DERA: variants seen among roughly 807,000 people sequenced by gnomAD.
DERA encodes the protein deoxyribose-phosphate aldolase.
A neutral mutation model predicts 41.1 loss-of-function variants in DERA; 15 were observed. That is an observed-to-expected ratio of 0.37 (90% CI 0.24 to 0.56). The LOEUF is 0.56. Among genes scored for constraint, DERA ranks in the 20% least tolerant of loss-of-function variants. DERA has a pLI of 0.81. For missense variants in DERA, 396 were observed against 403.4 expected (o/e 0.98, Z 0.16); for synonymous variants, 139 against 137.4 (o/e 1.01, Z -0.08).
intron 6 of DERA, among the ~76,000 whole-genome samples, chr12:15,997,187 A>G (rs940241889): frequency 6.6e-6 from 1 of 152,178 alleles, no homozygotes; most frequent in East Asian, 1.9e-4. Context: ...TCTCTATCAT[A>G]AACTAAATGA....
chr12:16,008,519 C>T lies in DERA; in HGVS notation c.638-24023C>T, dbSNP rs193219820. 3.9e-5 allele frequency among the ~76,000 whole-genome samples: 6 copies of T among 152,302 alleles called. No individual in the cohort carries two copies. The highest frequency in any genetic ancestry group is 8.8e-5 in the Non-Finnish European group (6 of 68,028). ...CTGGTTGCAGAGTCTGAGTGATCCC[C>T]CCAGTAAACTAATGTAGGATATATT... On this transcript the variant is annotated intron_variant, in intron 6 of 8. Coordinates refer to ENST00000428559, the MANE Select transcript of DERA (RefSeq NM_015954.4). The surrounding 1 kb of genome is among the most constrained non-coding windows in gnomAD (Gnocchi z 4.8).
intron 1 of DERA, among the ~76,000 whole-genome samples, chr12:15,949,611 G>A (rs976723381): frequency 2.0e-5 from 3 of 152,192 alleles, no homozygotes; most frequent in Non-Finnish European, 4.4e-5. Flanking sequence ...GCTTCCCTTG[G>A]CTAGGGAGGG....
Position 15,995,682 on chromosome 12 carries a change from G to A in DERA, c.637+13246G>A, listed in dbSNP as rs528135629. Among the ~76,000 whole-genome samples the A allele has an allele frequency of 2.0e-4, 31 of 152,260 alleles. 1 individual carries two copies. In the South Asian group the frequency reaches 6.2e-3, roughly 31 times the overall value. On this transcript the variant is annotated intron_variant, in intron 6 of 8. Coordinates refer to ENST00000428559, the MANE Select transcript of DERA (RefSeq NM_015954.4). The surrounding 1 kb of genome is among the most constrained non-coding windows in gnomAD (Gnocchi z 5.1). ...TAGAGTAGGGAGGATGGAGGGGTAT[G>A]GGAGAATGGAAGTGGTATCAGAATA...
Position 15,981,077 on chromosome 12 carries a change from C to T in DERA, c.509-1231C>T, listed in dbSNP as rs1057146802. Among the ~76,000 whole-genome samples the T allele has an allele frequency of 3.3e-5, 5 of 152,008 alleles. No individual in the cohort carries two copies. The highest frequency in any genetic ancestry group is 6.6e-5 in the Admixed American group (1 of 15,260). The stretch of plus-strand genomic sequence containing the variant: ...AAACTACTTCCTATGGGCCGGGCAC[C>T]GTGGCTCACACCTGTAATCCCAGCA... On this transcript the variant is annotated intron_variant, in intron 5 of 8. Transcript: ENST00000428559. This position sits in a 1 kb window ranked among gnomAD's most constrained non-coding sequence, Gnocchi z 6.1.
Position 15,936,952 on chromosome 12 carries a change from T to TGTCCC in DERA, c.32-19980_32-19979insCGTCC, listed in dbSNP as rs1258500039. On this transcript the variant is annotated intron_variant, in intron 1 of 8. Coordinates refer to ENST00000428559, the MANE Select transcript of DERA (RefSeq NM_015954.4). This position sits in a 1 kb window ranked among gnomAD's most constrained non-coding sequence, Gnocchi z 4.6. ...TGTCCTGTCTTGTCCTGTCCCGTCC[T>TGTCCC]GTCCTGCCCTGCCCTGCCCTGTCTT... Among the ~76,000 whole-genome samples the TGTCCC allele has an allele frequency of 1.8e-3, 270 of 149,208 alleles. 4 individuals are homozygous for TGTCCC. The highest frequency in any genetic ancestry group is 6.4e-3 in the African/African-American group (255 of 40,004).
At chr12:15,969,249 A>G (rs987344609) in intron 5 of DERA, among the ~76,000 whole-genome samples, 2 of 152,232 alleles carry the variant, frequency 1.3e-5, no homozygotes, top group African/African-American at 2.4e-5. Flanking sequence ...TGCTCTGTAA[A>G]TATACAGAGG....
In DERA at chr12:16,001,236, C is replaced by A. The variant is rs1169512027; in HGVS notation, c.637+18800C>A. Among the ~76,000 whole-genome samples the A allele has an allele frequency of 1.3e-5, 2 of 152,260 alleles. No individual in the cohort carries two copies. Among genetic ancestry groups the A allele is most frequent in the East Asian group, 3.9e-4 (2 of 5,182 alleles). On this transcript the variant is annotated intron_variant, in intron 6 of 8. Transcript: ENST00000428559. The surrounding 1 kb of genome is among the most constrained non-coding windows in gnomAD (Gnocchi z 4.1). Reference sequence around the variant, plus strand: ...CACCTATGTAACAAACCTGCACATTCTGCACATGTTTATCCTATTTTTTTG... The same window carrying A: ...CACCTATGTAACAAACCTGCACATTATGCACATGTTTATCCTATTTTTTTG...
intron 6 of DERA, among the ~76,000 whole-genome samples, chr12:16,007,183 T>G (rs1452332365): frequency 1.3e-5 from 2 of 148,376 alleles, no homozygotes; most frequent in African/African-American, 2.6e-5. Flanking sequence ...TTGTTTTTTT[T>G]TTTTTGTTTT....
At chr12:16,018,917 G>A (rs950157128) in intron 6 of DERA, among the ~76,000 whole-genome samples, 4 of 151,998 alleles carry the variant, frequency 2.6e-5, no homozygotes, top group African/African-American at 9.7e-5. Context: ...TCATTTAGTT[G>A]AAATTGTGGG....
At chr12:15,980,610 T>C (rs1448617630) in intron 5 of DERA, among the ~76,000 whole-genome samples, 1 of 152,174 alleles carries the variant, frequency 6.6e-6, no homozygotes, top group African/African-American at 2.4e-5. Flanking sequence ...GAGGCATAAG[T>C]AGGATGATTT....
At chr12:15,955,468 A>G (rs1007085685) in intron 1 of DERA, among the ~76,000 whole-genome samples, 6 of 151,976 alleles carry the variant, frequency 3.9e-5, no homozygotes, top group Non-Finnish European at 5.9e-5. Context: ...CTGACCCCAG[A>G]CTCCCATTTT....
chr12:15,933,716 A>G (rs1299022987), intron 1 of DERA, among the ~76,000 whole-genome samples: 1 of 152,108 alleles, frequency 6.6e-6, no homozygotes, highest in Non-Finnish European at 1.5e-5. Flanking sequence ...TCTTCATTTT[A>G]TACTCAGTGT....
intron 6 of DERA, among the ~76,000 whole-genome samples, chr12:16,015,483 C>T (rs555792262): frequency 3.3e-5 from 5 of 152,164 alleles, no homozygotes; most frequent in Non-Finnish European, 7.4e-5. Flanking sequence ...GCTTCCTTTT[C>T]ATCTTCTGTC....
chr12:15,942,074 G>A (rs940562922), intron 1 of DERA, among the ~76,000 whole-genome samples: 8 of 152,152 alleles, frequency 5.3e-5, no homozygotes, highest in African/African-American at 1.9e-4. Context: ...GTAAAGTGGT[G>A]TCTCATTGTG....
intron 5 of DERA, among the ~76,000 whole-genome samples, chr12:15,974,401 C>G (rs1175870199): frequency 6.6e-6 from 1 of 152,104 alleles, no homozygotes; most frequent in East Asian, 1.9e-4. Flanking sequence ...TTGTCTTTGA[C>G]GATTACGGGC....
chr12:15,920,099 C>A (rs1343459053), intron 1 of DERA, among the ~76,000 whole-genome samples: 1 of 77,454 alleles, frequency 1.3e-5, no homozygotes, highest in African/African-American at 2.7e-5. Flanking sequence ...AGGTATCTGG[C>A]CTGCTGAAGG....
At position 16,003,787 on chromosome 12, in the gene DERA, C is replaced by T. The variant is rs747028895; in HGVS notation, c.637+21351C>T. ...TTCCATAACTCCTCACTGCCCCTTC[C>T]CCGCAAAACCCTCTTTGTATCACCA... On this transcript the variant is annotated intron_variant, in intron 6 of 8. Transcript: ENST00000428559. The surrounding 1 kb of genome is among the most constrained non-coding windows in gnomAD (Gnocchi z 4.8). Among the ~76,000 whole-genome samples the T allele has an allele frequency of 7.9e-5, 12 of 152,114 alleles. No homozygotes were observed. The highest frequency in any genetic ancestry group is 1.6e-4 in the Non-Finnish European group (11 of 68,024).
chr12:15,920,699 G>A (rs1230101991), intron 1 of DERA, among the ~76,000 whole-genome samples: 1 of 152,208 alleles, frequency 6.6e-6, no homozygotes, highest in Non-Finnish European at 1.5e-5. Context: ...TGGGCGTGGT[G>A]GCACATGCCT....
rs1204508924 is a variant in DERA, at chr12:15,990,757, C to T, written c.637+8321C>T. Among the ~76,000 whole-genome samples, 1 of 152,162 alleles carries T rather than the reference C, an allele frequency of 6.6e-6. No homozygotes were observed. The highest frequency in any genetic ancestry group is 2.4e-5 in the African/African-American group (1 of 41,436). ...TAAGGATAATGGCCTCCAGCTCCAT[C>T]CATGTCCCTGCAAAGGATATGATCT... is the stretch of plus-strand genomic sequence containing the variant. On this transcript the variant is annotated intron_variant, in intron 6 of 8. Transcript: ENST00000428559. This position sits in a 1 kb window ranked among gnomAD's most constrained non-coding sequence, Gnocchi z 4.3.
Sources: allele counts gnomAD v4.1 joint callset (sites outside exome capture counted in the v4.1 genomes callset), GRCh38; gene constraint gnomAD v4.1.1; non-coding constraint Gnocchi (gnomAD v3.1); transcripts MANE v1.5; gene names NCBI Gene and HGNC (gene_info 2026-07-23, HGNC 2026-07-21).